Variants in CAMK1G observed in about 807,000 individuals in gnomAD.
CAMK1G encodes the protein calcium/calmodulin-dependent protein kinase type 1G.
A neutral mutation model predicts 54.8 loss-of-function variants in CAMK1G; 27 were observed. That is an observed-to-expected ratio of 0.49 (90% CI 0.36 to 0.68). CAMK1G has a LOEUF of 0.68. Ranked by LOEUF, CAMK1G falls within the 30% of genes least tolerant of loss-of-function variation. CAMK1G has a pLI of 0.00. For missense variants in CAMK1G, 512 were observed against 591.0 expected (o/e 0.87, Z 1.39); for synonymous variants, 238 against 224.9 (o/e 1.06, Z -0.52).
chr1:209,606,707 A>G (rs184098780), intron 6 of CAMK1G, among the ~76,000 whole-genome samples: 82 of 152,270 alleles, frequency 5.4e-4, no homozygotes, highest in African/African-American at 1.8e-3. Flanking sequence ...ATTTCTGCGG[A>G]TAGACTTCCA....
In CAMK1G at chr1:209,613,522, T is replaced by C. The variant is rs974460037; in HGVS notation, c.*520T>C. The C allele has an allele frequency of 6.6e-6, 1 of 152,308 alleles. No individual in the cohort carries two copies. The highest frequency in any genetic ancestry group is 1.5e-5 in the Non-Finnish European group (1 of 68,116). The allele number at this position is 152,308 out of a possible 1,614,324, so 9.4% of individuals were successfully genotyped here. The stretch of plus-strand genomic sequence containing the variant: ...TAATGTCGTTGCCTGCCCATCTGCA[T>C]GAATGACAGGCAGCTCCCCATGGTG... On this transcript the variant is annotated 3_prime_UTR_variant, in exon 13 of 13. Coordinates refer to ENST00000361322, the MANE Select transcript of CAMK1G (RefSeq NM_020439.3).
At chr1:209,584,105 C>T (rs1053688541) in intron 1 of CAMK1G, among the ~76,000 whole-genome samples, 1 of 152,244 alleles carries the variant, frequency 6.6e-6, no homozygotes, top group African/African-American at 2.4e-5. Flanking sequence ...AGGGACAAGG[C>T]TCTGTGCCTA....
At chr1:209,609,827 C>T (rs777093190) in intron 8 of CAMK1G, 24 bp from the exon 9 acceptor site, 51 of 1,613,038 alleles carry the variant, frequency 3.2e-5, no homozygotes, top group East Asian at 4.5e-5. Flanking sequence ...CCTTAGTCGT[C>T]GTGTCTTTGA....
At chr1:209,603,653 A>G (rs1472022402) in intron 4 of CAMK1G, among the ~76,000 whole-genome samples, 1 of 152,196 alleles carries the variant, frequency 6.6e-6, no homozygotes, top group Non-Finnish European at 1.5e-5. Context: ...GGGTAATGCC[A>G]GACTAACAAG....
intron 1 of CAMK1G, among the ~76,000 whole-genome samples, chr1:209,587,389 C>T (rs371236082): frequency 5.9e-5 from 9 of 152,058 alleles, no homozygotes; most frequent in East Asian, 1.9e-4. Context: ...CCTAGATCCC[C>T]GGCACACTAA....
At chr1:209,611,442 G>A (rs1431118883) in intron 9 of CAMK1G, 23 bp from the exon 10 acceptor site, 3 of 1,612,754 alleles carry the variant, frequency 1.9e-6, no homozygotes, top group African/African-American at 2.7e-5. Context: ...CCAGTAGCCA[G>A]GTGTCCCCTC....
intron 12 of CAMK1G, 50 bp from the exon 13 acceptor site, chr1:209,612,990 G>A (rs1043583745): frequency 1.3e-6 from 1 of 763,104 alleles, no homozygotes; most frequent in Non-Finnish European, 2.2e-6. Flanking sequence ...GTGAGTGATG[G>A]GGTCTGAGGT....
At chr1:209,601,244 G>T (rs554358641) in intron 3 of CAMK1G, among the ~76,000 whole-genome samples, 1 of 152,138 alleles carries the variant, frequency 6.6e-6, no homozygotes, top group Admixed American at 6.5e-5. Flanking sequence ...ACAAGCAAAG[G>T]TAGTGGCAGA....
At chr1:209,596,592 A>G (rs1235711956) in intron 2 of CAMK1G, among the ~76,000 whole-genome samples, 1 of 152,106 alleles carries the variant, frequency 6.6e-6, no homozygotes, top group African/African-American at 2.4e-5. Context: ...GAACGTCAGT[A>G]TACCCACCAT....
intron 5 of CAMK1G, among the ~76,000 whole-genome samples, chr1:209,606,035 G>C (rs1433853009): frequency 6.6e-6 from 1 of 152,182 alleles, no homozygotes; most frequent in Non-Finnish European, 1.5e-5. Flanking sequence ...CCAAAGATTG[G>C]TTCTCTCAAA....
rs371361157 is a variant in CAMK1G, at chr1:209,605,925, C to A, written c.435+251C>A. Among the ~76,000 whole-genome samples, 268 of 152,326 alleles carry A rather than the reference C, an allele frequency of 1.8e-3. 1 individual carries two copies. Among genetic ancestry groups the A allele is most frequent in the Middle Eastern group, 0.017 (5 of 294 alleles). On this transcript the variant is annotated intron_variant, in intron 5 of 12. Coordinates refer to ENST00000361322, the MANE Select transcript of CAMK1G (RefSeq NM_020439.3). ...ACCAAAATAATACACACATTTCTTA[C>A]ATCCAGCCACAGTCAAAACCCAATG...
chr1:209,612,085 G>A lies in CAMK1G; in HGVS notation c.1209G>A (p.Leu403=). Residue 403 remains leucine, a synonymous_variant, in exon 11 of 13, where the codon CTG becomes CTA. Transcript: ENST00000361322. ...GCTCCCTCCACATCAGCAGCAGCCT[G>A]GTGCCCATGCATCAGGGGTCCCTGG... ...VNGSLHISSS[L]VPMHQGSLAA... The A allele has an allele frequency of 6.2e-7, 1 of 1,614,190 alleles. No individual in the cohort carries two copies. The highest frequency in any genetic ancestry group is 8.5e-7 in the Non-Finnish European group (1 of 1,179,994).
At chr1:209,610,792 G>A (rs1338773295) in intron 9 of CAMK1G, among the ~76,000 whole-genome samples, 5 of 152,154 alleles carry the variant, frequency 3.3e-5, no homozygotes, top group African/African-American at 4.8e-5. Context: ...CTAGACTGTA[G>A]GCTCCTAGGG....
At chr1:209,593,991 T>C (rs1242142522) in intron 1 of CAMK1G, among the ~76,000 whole-genome samples, 1 of 152,182 alleles carries the variant, frequency 6.6e-6, no homozygotes, top group East Asian at 1.9e-4. Flanking sequence ...CCCTTCAGGC[T>C]CTGGAGCACA....
At chr1:209,612,439 C>A (rs549879509) in intron 11 of CAMK1G, among the ~76,000 whole-genome samples, 1 of 152,300 alleles carries the variant, frequency 6.6e-6, no homozygotes, top group South Asian at 2.1e-4. Flanking sequence ...CTATTTTGCT[C>A]ATCTGTAAAC....
chr1:209,609,644 G>A (rs1000513774), intron 8 of CAMK1G, among the ~76,000 whole-genome samples: 2 of 152,216 alleles, frequency 1.3e-5, no homozygotes, highest in South Asian at 2.1e-4. Context: ...TGTGGGTGAG[G>A]CGGCTTGGAG....
chr1:209,598,461 T>A (rs1665442256), intron 2 of CAMK1G, among the ~76,000 whole-genome samples: 1 of 152,222 alleles, frequency 6.6e-6, no homozygotes, highest in Non-Finnish European at 1.5e-5. Context: ...GTGGCATGAA[T>A]TGACTCTGTA....
intron 6 of CAMK1G, among the ~76,000 whole-genome samples, chr1:209,607,069 T>A (rs986226120): frequency 6.6e-6 from 1 of 152,144 alleles, no homozygotes; most frequent in African/African-American, 2.4e-5. Context: ...ACTCAGAGCA[T>A]CCGCTCCTGT....
At chr1:209,604,550 G>A (rs753093877) in intron 4 of CAMK1G, among the ~76,000 whole-genome samples, 4 of 152,160 alleles carry the variant, frequency 2.6e-5, no homozygotes, top group South Asian at 2.1e-4. Flanking sequence ...AATTTTGATC[G>A]GAGAAATTCT....
Sources: allele counts gnomAD v4.1 joint callset (sites outside exome capture counted in the v4.1 genomes callset), GRCh38; gene constraint gnomAD v4.1.1; transcripts MANE v1.5; gene names NCBI Gene and HGNC (gene_info 2026-07-23, HGNC 2026-07-21).